CMSS1: variants seen among roughly 807,000 people sequenced by gnomAD.
The protein encoded by CMSS1 is protein CMSS1.
Under a neutral mutation model 43.5 loss-of-function variants are expected in CMSS1, and 33 were observed. That is an observed-to-expected ratio of 0.76 (90% CI 0.57 to 1.01). The LOEUF is 1.01. CMSS1 is among the 50% of genes least tolerant of loss of function. The pLI, the probability that CMSS1 is intolerant of heterozygous loss-of-function variation, is 0.00. For synonymous variants in CMSS1, 115 were observed against 117.2 expected, an observed-to-expected ratio of 0.98 and a Z score of 0.12; for missense variants, 313 against 326.4, an observed-to-expected ratio of 0.96 and a Z score of 0.32.
chr3:99,934,638 T>C (rs1163189616), intron 1 of CMSS1, among the ~76,000 whole-genome samples: 1 of 152,202 alleles, frequency 6.6e-6, no homozygotes, highest in Admixed American at 6.5e-5. Flanking sequence ...TGCTAAACAT[T>C]GTTCATAAGT....
At chr3:100,090,956 T>G (rs1443202399) in intron 1 of CMSS1, among the ~76,000 whole-genome samples, 2 of 152,134 alleles carry the variant, frequency 1.3e-5, no homozygotes, top group Non-Finnish European at 2.9e-5. Flanking sequence ...ACAAGTAATT[T>G]TAACCCAAGG....
intron 1 of CMSS1, among the ~76,000 whole-genome samples, chr3:100,107,729 T>C (rs776519478): frequency 2.0e-5 from 3 of 152,128 alleles, no homozygotes; most frequent in Non-Finnish European, 2.9e-5. Flanking sequence ...GGAAGAGTCA[T>C]TTCCCATTAT....
chr3:99,944,284 G>A (rs780585712), intron 1 of CMSS1, among the ~76,000 whole-genome samples: 3 of 152,170 alleles, frequency 2.0e-5, no homozygotes, highest in African/African-American at 7.2e-5. Flanking sequence ...GTTTAGTAGA[G>A]AGGTGATAGG....
At chr3:100,023,471 C>T (rs1053716064) in intron 1 of CMSS1, 1 of 152,438 alleles carries the variant, frequency 6.6e-6, no homozygotes, top group African/African-American at 2.4e-5. Context: ...AAAGTGAAGT[C>T]AGACTAAAAA....
chr3:99,978,955 A>C (rs1709045304), intron 1 of CMSS1, among the ~76,000 whole-genome samples: 1 of 152,092 alleles, frequency 6.6e-6, no homozygotes, highest in African/African-American at 2.4e-5. Flanking sequence ...AGGGAGGTGG[A>C]TATGGAGAGG....
intron 1 of CMSS1, among the ~76,000 whole-genome samples, chr3:100,019,084 T>A (rs1284341290): frequency 1.3e-5 from 2 of 152,306 alleles, no homozygotes; most frequent in Non-Finnish European, 2.9e-5. Flanking sequence ...CCTTATACAT[T>A]GTTCAAGGGA....
chr3:100,035,259 C>T (rs1268981497), intron 1 of CMSS1, among the ~76,000 whole-genome samples: 2 of 152,038 alleles, frequency 1.3e-5, no homozygotes, highest in Non-Finnish European at 2.9e-5. Flanking sequence ...GCGCATATTC[C>T]TCCTTAAATT....
intron 1 of CMSS1, among the ~76,000 whole-genome samples, chr3:100,096,484 T>C (rs762287761): frequency 1.1e-4 from 16 of 152,210 alleles, no homozygotes; most frequent in Non-Finnish European, 2.1e-4. Context: ...CTGGAGGTCA[T>C]TATGTTAAGT....
At chr3:99,919,731 T>C (rs897725689) in intron 1 of CMSS1, among the ~76,000 whole-genome samples, 6 of 152,108 alleles carry the variant, frequency 3.9e-5, no homozygotes, top group African/African-American at 1.4e-4. Context: ...AGGCCTGTCA[T>C]AATAGAAAAG....
chr3:100,145,526 A>G (rs894758656), intron 1 of CMSS1, among the ~76,000 whole-genome samples: 7 of 151,982 alleles, frequency 4.6e-5, no homozygotes, highest in African/African-American at 1.7e-4. Context: ...AACGAGATTT[A>G]CTCTAAGGAA....
chr3:99,846,027 T>C (rs1047251849), intron 1 of CMSS1, among the ~76,000 whole-genome samples: 5 of 152,230 alleles, frequency 3.3e-5, no homozygotes, highest in Non-Finnish European at 7.3e-5. Flanking sequence ...AACTTTATTA[T>C]AGAGAATTTC....
chr3:99,922,050 C>A (rs577914204), intron 1 of CMSS1, among the ~76,000 whole-genome samples: 3 of 152,342 alleles, frequency 2.0e-5, no homozygotes, highest in Middle Eastern at 3.4e-3. Flanking sequence ...TAGCCCTTCA[C>A]ATTCCCACCA....
In CMSS1 at chr3:100,169,603, G is replaced by A. The variant is rs552428870; in HGVS notation, c.518+1763G>A. Reference sequence around the variant, plus strand: ...AAACCCTCCTTTCTCCACTGAAGTGGAGACACACATTAAATTGTATCACAT... The same window carrying A: ...AAACCCTCCTTTCTCCACTGAAGTGAAGACACACATTAAATTGTATCACAT... On this transcript the variant is annotated intron_variant, in intron 6 of 9. Transcript: ENST00000421999. 3.9e-5 allele frequency among the ~76,000 whole-genome samples: 6 copies of A among 152,286 alleles called. No homozygotes were observed. In the East Asian group the frequency reaches 9.6e-4, roughly 24 times the overall value.
intron 1 of CMSS1, among the ~76,000 whole-genome samples, chr3:100,013,495 C>T (rs1222173960): frequency 6.7e-6 from 1 of 148,472 alleles, no homozygotes; most frequent in Non-Finnish European, 1.5e-5. Flanking sequence ...CCATCCACCT[C>T]GGCCTCCCAA....
At chr3:100,143,279 A>G (rs1045802161) in intron 1 of CMSS1, among the ~76,000 whole-genome samples, 1 of 152,110 alleles carries the variant, frequency 6.6e-6, no homozygotes, top group African/African-American at 2.4e-5. Context: ...TTCTTGTCAT[A>G]TTGCACTGGT....
intron 1 of CMSS1, among the ~76,000 whole-genome samples, chr3:100,058,243 G>A (rs942076021): frequency 1.3e-5 from 2 of 152,190 alleles, no homozygotes; most frequent in Non-Finnish European, 2.9e-5. Flanking sequence ...AAATTAAGAG[G>A]CATCTGAATA....
chr3:100,150,328 T>A (rs992186424), intron 2 of CMSS1, among the ~76,000 whole-genome samples: 10 of 152,226 alleles, frequency 6.6e-5, no homozygotes, highest in African/African-American at 1.7e-4. Flanking sequence ...TATAACTGCA[T>A]TTTTTCTGGA....
chr3:99,931,123 A>G (rs1169045973), intron 1 of CMSS1: 6 of 1,050,702 alleles, frequency 5.7e-6, no homozygotes, highest in African/African-American at 4.8e-5. Context: ...CATTCTTGTT[A>G]TATTTACCAC....
intron 1 of CMSS1, among the ~76,000 whole-genome samples, chr3:99,948,738 A>G (rs1708089100): frequency 2.0e-5 from 3 of 151,728 alleles, no homozygotes; most frequent in East Asian, 1.9e-4. Context: ...GAAGGGAAGG[A>G]AAGGAAAAAA....
Sources: gnomAD v4.1 joint callset for allele counts (sites outside exome capture counted in the v4.1 genomes callset) on GRCh38, gnomAD v4.1.1 for gene constraint, MANE v1.5 for transcripts, NCBI Gene and HGNC (gene_info 2026-07-23, HGNC 2026-07-21) for gene names.